MYO1H: variants seen among roughly 807,000 people sequenced by gnomAD.
The protein encoded by MYO1H is myosin IH, also known as unconventional myosin-Ih.
MYO1H carries 118 observed loss-of-function variants against 149.3 expected under a neutral mutation model. The observed-to-expected ratio is 0.79, with a 90% CI of 0.68 to 0.92. The LOEUF is 0.92. Ranked by LOEUF, MYO1H falls within the 40% of genes least tolerant of loss-of-function variation. MYO1H has a pLI of 0.00. For missense variants in MYO1H, 1,212 were observed against 1,280.7 expected, an observed-to-expected ratio of 0.95 and a Z score of 0.82; for synonymous variants, 447 against 465.2, an observed-to-expected ratio of 0.96 and a Z score of 0.50.
intron 1 of MYO1H, among the ~76,000 whole-genome samples, chr12:109,364,184 A>G (rs1365325119): frequency 1.3e-5 from 2 of 150,926 alleles, no homozygotes; most frequent in East Asian, 3.9e-4. Context: ...AAAAAAAAAA[A>G]AAAAAAAAAA....
intron 2 of MYO1H, among the ~76,000 whole-genome samples, chr12:109,390,814 C>T (rs754462822): frequency 4.6e-5 from 7 of 152,106 alleles, no homozygotes; most frequent in South Asian, 2.1e-4. Flanking sequence ...TACAGGCATC[C>T]GCCACCACGC....
the MYO1H span, among the ~76,000 whole-genome samples, chr12:109,323,573 T>G: frequency 6.6e-6 from 1 of 152,162 alleles, no homozygotes; most frequent in Non-Finnish European, 1.5e-5. Flanking sequence ...TTCAGTTAAG[T>G]CTGGGAGAGG....
At chr12:109,327,754 A>AAG in the MYO1H span, among the ~76,000 whole-genome samples, 13 of 150,712 alleles carry the variant, frequency 8.6e-5, no homozygotes, top group East Asian at 4.0e-4. Context: ...AAAAAAAAAA[A>AAG]AAAGAAAGAA....
At chr12:109,427,990 G>A (rs1259845629) in intron 19 of MYO1H, among the ~76,000 whole-genome samples, 1 of 135,000 alleles carries the variant, frequency 7.4e-6, no homozygotes, top group Admixed American at 7.6e-5. Flanking sequence ...GAAGGCTGAG[G>A]TGGGAGGATC....
At chr12:109,422,845 G>A (rs987948687) in intron 16 of MYO1H, among the ~76,000 whole-genome samples, 20 of 152,136 alleles carry the variant, frequency 1.3e-4, no homozygotes, top group Non-Finnish European at 2.8e-4. Context: ...AGTCCGAGGT[G>A]GGTGGATCGC....
At chr12:109,365,715 T>A (rs780483657) in intron 1 of MYO1H, among the ~76,000 whole-genome samples, 3 of 152,196 alleles carry the variant, frequency 2.0e-5, no homozygotes, top group Non-Finnish European at 2.9e-5. Context: ...GATGATGAGA[T>A]GACCAATGTG....
At chr12:109,373,246 C>T (rs755531865) in intron 1 of MYO1H, among the ~76,000 whole-genome samples, 5 of 152,048 alleles carry the variant, frequency 3.3e-5, no homozygotes, top group Middle Eastern at 3.4e-3. Flanking sequence ...CGAATTAGGA[C>T]GATAAAGAAA....
upstream of MYO1H, among the ~76,000 whole-genome samples, chr12:109,343,299 C>T (rs2136986662): frequency 6.6e-6 from 1 of 152,252 alleles, no homozygotes; most frequent in Admixed American, 6.5e-5. Context: ...ACTAGAAATT[C>T]TCCAGATAAA....
intron 7 of MYO1H, 88 bp from the exon 8 acceptor site, chr12:109,405,834 C>T (rs942063563): frequency 1.2e-5 from 11 of 899,210 alleles, no homozygotes; most frequent in Non-Finnish European, 1.8e-5. Flanking sequence ...CTTCAGGTGT[C>T]TCCACTAATG....
chr12:109,311,440 C>A, the MYO1H span, among the ~76,000 whole-genome samples: 3 of 152,214 alleles, frequency 2.0e-5, no homozygotes, highest in African/African-American at 7.2e-5. Context: ...ACACTGCTTT[C>A]GCTTTGTTAG....
At chr12:109,317,045 G>A in the MYO1H span, among the ~76,000 whole-genome samples, 3 of 152,194 alleles carry the variant, frequency 2.0e-5, no homozygotes, top group Admixed American at 2.0e-4. Context: ...CTAATCATCA[G>A]GAAGGAAGTT....
chr12:109,401,488 A>G (rs1795454670), intron 6 of MYO1H: 4 of 485,520 alleles, frequency 8.2e-6, no homozygotes, highest in Non-Finnish European at 1.1e-5. Flanking sequence ...TGTCTAGGTA[A>G]GTGGTTCTCA....
intron 1 of MYO1H, among the ~76,000 whole-genome samples, chr12:109,352,519 A>C (rs1328327907): frequency 6.6e-6 from 1 of 152,134 alleles, no homozygotes; most frequent in Non-Finnish European, 1.5e-5. Flanking sequence ...TATTACATAC[A>C]CTTTTGCTAC....
intron 1 of MYO1H, among the ~76,000 whole-genome samples, chr12:109,349,300 T>A (rs1868404377): frequency 6.6e-6 from 1 of 152,196 alleles, no homozygotes; most frequent in African/African-American, 2.4e-5. Flanking sequence ...AAGCTCTTCC[T>A]TCTTATGAAT....
the MYO1H span, among the ~76,000 whole-genome samples, chr12:109,318,972 GT>G: frequency 2.9e-3 from 225 of 77,258 alleles, no homozygotes; most frequent in Middle Eastern, 8.5e-3. Context: ...TTTTGGTTTT[GT>G]TTTTTTTTTT....
chr12:109,428,498 A>G (rs997264295), intron 19 of MYO1H, among the ~76,000 whole-genome samples: 3 of 152,176 alleles, frequency 2.0e-5, no homozygotes, highest in African/African-American at 7.2e-5. Flanking sequence ...CATCCCCCAA[A>G]TTGCTTATAC....
chr12:109,310,634 G>T, the MYO1H span, among the ~76,000 whole-genome samples: 6 of 151,720 alleles, frequency 4.0e-5, no homozygotes, highest in Non-Finnish European at 8.8e-5. Flanking sequence ...TAAACCCAGT[G>T]TTTAAGTTCA....
chr12:109,417,281 T>A (rs1870954467), intron 15 of MYO1H, among the ~76,000 whole-genome samples: 2 of 152,150 alleles, frequency 1.3e-5, no homozygotes, highest in South Asian at 4.1e-4. Flanking sequence ...ATATGAGGGG[T>A]TCCAATATCT....
exon 30 of MYO1H, chr12:109,444,484 T>C: frequency 1.2e-6 from 2 of 1,614,028 alleles, no homozygotes; most frequent in South Asian, 1.1e-5. Context: ...ACTAAACTCG[T>C]CATGCTGGTT....
Sources: gnomAD v4.1 joint callset for allele counts (sites outside exome capture counted in the v4.1 genomes callset) on GRCh38, gnomAD v4.1.1 for gene constraint, MANE v1.5 for transcripts, NCBI Gene and HGNC (gene_info 2026-07-23, HGNC 2026-07-21) for gene names.